The following KY variants were observed in gnomAD, a reference collection of about 807,000 sequenced individuals.
KY encodes kyphoscoliosis peptidase.
A neutral mutation model predicts 76.1 loss-of-function variants in KY; 43 were observed. That is an observed-to-expected ratio of 0.57 (90% CI 0.44 to 0.73). The LOEUF is 0.73. Ranked by LOEUF, KY falls within the 30% of genes least tolerant of loss-of-function variation. The pLI is 0.00. For synonymous variants in KY, 277 were observed against 326.2 expected (o/e 0.85, Z 1.63); for missense variants, 722 against 828.9 (o/e 0.87, Z 1.58).
chr3:134,648,648 G>C (rs1209814854), intron 1 of KY, among the ~76,000 whole-genome samples: 1 of 152,134 alleles, frequency 6.6e-6, no homozygotes, highest in Non-Finnish European at 1.5e-5. Context: ...TGGCTCTGCA[G>C]CCCAAATTCC....
At chr3:134,637,944 C>T (rs1007193152) in intron 3 of KY, among the ~76,000 whole-genome samples, 4 of 152,236 alleles carry the variant, frequency 2.6e-5, no homozygotes, top group Middle Eastern at 3.2e-3. Context: ...TATTCCTAAT[C>T]CCTTCTCTCC....
chr3:134,622,175 T>C (rs1037439514), intron 6 of KY, among the ~76,000 whole-genome samples: 1 of 152,200 alleles, frequency 6.6e-6, no homozygotes, highest in African/African-American at 2.4e-5. Context: ...AAGTTAAATG[T>C]AGAATTATCA....
Position 134,610,343 on chromosome 3 carries a change from T to C in KY, c.751A>G (p.Lys251Glu). ...VQCMTVPGYS[K>E]GFGYQTGQSF... ...TGCCCTGTCTGGTAGCCGAAACCCT[T>C]GGAGTAGCCAGGCACGGTCATACAC... is the stretch of plus-strand genomic sequence containing the variant. The change falls in exon 9 of 11, where the codon AAG becomes GAG. Residue 251 changes from lysine to glutamate, a missense_variant. Physicochemically the swap from Lys to Glu is moderately conservative, Grantham distance 56 (BLOSUM62 1). Coordinates refer to ENST00000423778, the MANE Select transcript of KY (RefSeq NM_178554.6). 6.2e-7 allele frequency: 1 copy of C among 1,613,164 alleles called. No homozygotes were observed. Among genetic ancestry groups the C allele is most frequent in the East Asian group, 2.2e-5 (1 of 44,828 alleles).
chr3:134,619,084 G>A (rs1962111844), intron 8 of KY, 64 bp downstream of exon 8: 13 of 1,335,650 alleles, frequency 9.7e-6, no homozygotes, highest in Non-Finnish European at 1.4e-5. Context: ...AAAGGCACAT[G>A]GCACTGTGGA....
At chr3:134,611,154 G>A (rs1344636438) in intron 8 of KY, among the ~76,000 whole-genome samples, 1 of 152,236 alleles carries the variant, frequency 6.6e-6, no homozygotes. Flanking sequence ...CTGTCCTGAG[G>A]GGAATGGAAA....
intron 3 of KY, among the ~76,000 whole-genome samples, chr3:134,634,302 T>G (rs1964624384): frequency 6.6e-6 from 1 of 151,522 alleles, no homozygotes; most frequent in East Asian, 1.9e-4. Context: ...CTAAACTAAT[T>G]TTGAAAAAAA....
chr3:134,639,904 C>T (rs887371705), intron 3 of KY: 13 of 132,634 alleles, frequency 9.8e-5, no homozygotes, highest in African/African-American at 2.9e-4. Context: ...GAGCTATGAT[C>T]GCACCTCTGC....
intron 7 of KY, 35 bp downstream of exon 7, chr3:134,620,714 G>T: frequency 6.8e-7 from 1 of 1,475,548 alleles, no homozygotes. Flanking sequence ...GGAAGCAAGG[G>T]ATTCTAGAGC....
chr3:134,629,566 C>A (rs1963944461), intron 4 of KY, 55 bp downstream of exon 4: 1 of 1,411,730 alleles, frequency 7.1e-7, no homozygotes, highest in African/African-American at 1.4e-5. Flanking sequence ...GCCCAACCAG[C>A]TGCCTTCAAT....
chr3:134,617,936 CAG>C (rs1961861398), intron 8 of KY, among the ~76,000 whole-genome samples: 2 of 152,118 alleles, frequency 1.3e-5, no homozygotes, highest in African/African-American at 4.8e-5. Context: ...GAAGCCTGGA[CAG>C]AGAGGCCAGT....
At chr3:134,643,243 C>T (rs557941961) in intron 3 of KY, 73 bp downstream of exon 3, 2 of 1,443,820 alleles carry the variant, frequency 1.4e-6, no homozygotes, top group African/African-American at 2.8e-5. Context: ...ACATCCTGGG[C>T]TGTCGCTGGC....
intron 1 of KY, 79 bp downstream of exon 1, chr3:134,650,746 G>C: frequency 7.6e-7 from 1 of 1,318,346 alleles, no homozygotes; most frequent in Non-Finnish European, 1.0e-6. Flanking sequence ...AGCAATGGGC[G>C]CCCCCCGGCG....
At chr3:134,622,095 C>A (rs1962717464) in intron 6 of KY, among the ~76,000 whole-genome samples, 1 of 152,210 alleles carries the variant, frequency 6.6e-6, no homozygotes. Context: ...GGAATTGGAA[C>A]TCTTGTACGA....
At chr3:134,649,286 TG>T (rs1367865226) in intron 1 of KY, among the ~76,000 whole-genome samples, 1 of 152,174 alleles carries the variant, frequency 6.6e-6, no homozygotes, top group Non-Finnish European at 1.5e-5. Context: ...ATGGCGAGTT[TG>T]TGCTAGGTGT....
rs1959068542 is a variant in KY, at chr3:134,603,687, C to T, written c.1878G>A (p.Glu626=). The part of the protein sequence containing the change: ...PLTLNHEGYW[E]GSCSTAGCQE... ...GGCAGCCAGCTGTGCTGCAGCTTCC[C>T]TCCCAGTAGCCCTCGTGGTTCAGGG... Residue 626 remains glutamate, a synonymous_variant, in exon 11 of 11, where the codon GAG becomes GAA. Coordinates refer to ENST00000423778, the MANE Select transcript of KY (RefSeq NM_178554.6). The T allele has an allele frequency of 2.5e-6, 4 of 1,613,928 alleles. No individual in the cohort carries two copies. The highest frequency in any genetic ancestry group is 1.7e-5 in the Admixed American group (1 of 60,004).
intron 7 of KY, 134 bp from the exon 8 acceptor site, chr3:134,619,399 G>A: frequency 1.5e-6 from 1 of 684,520 alleles, no homozygotes. Context: ...TACAGCCCCA[G>A]CACAAATGGG....
chr3:134,612,361 C>T (rs758312417), intron 8 of KY, among the ~76,000 whole-genome samples: 2 of 152,080 alleles, frequency 1.3e-5, no homozygotes, highest in African/African-American at 4.8e-5. Flanking sequence ...CTGAGGAGAC[C>T]GTGGAAGGAA....
At chr3:134,608,881 G>A in intron 9 of KY, 42 bp from the exon 10 acceptor site, 1 of 1,568,934 alleles carries the variant, frequency 6.4e-7, no homozygotes, top group Non-Finnish European at 8.7e-7. Context: ...CTCCATGCAG[G>A]GGAGGCAGGG....
chr3:134,640,115 A>AGAAAAAG (rs1287359975), intron 3 of KY, among the ~76,000 whole-genome samples: 2 of 152,064 alleles, frequency 1.3e-5, no homozygotes, highest in Non-Finnish European at 2.9e-5. Context: ...CACCTGTTGC[A>AGAAAAAG]TAAAGTCTAC....
Sources: gnomAD v4.1 joint callset for allele counts (sites outside exome capture counted in the v4.1 genomes callset) on GRCh38, gnomAD v4.1.1 for gene constraint, MANE v1.5 for transcripts, NCBI Gene and HGNC (gene_info 2026-07-23, HGNC 2026-07-21) for gene names.